DOCK10: variants seen among roughly 807,000 people sequenced by gnomAD.
DOCK10 encodes the protein dedicator of cytokinesis 10, also known as dedicator of cytokinesis protein 10.
Under a neutral mutation model 280.1 loss-of-function variants are expected in DOCK10, and 145 were observed. That is an observed-to-expected ratio of 0.52 (90% CI 0.45 to 0.59). The LOEUF (loss-of-function observed/expected upper bound fraction) is 0.59, where lower values mean the gene tolerates loss of function less well. Ranked by LOEUF, DOCK10 falls within the 20% of genes least tolerant of loss-of-function variation. DOCK10 has a pLI of 0.00. For missense variants in DOCK10, 2,368 were observed against 2,651.7 expected (o/e 0.89, Z 2.35); for synonymous variants, 915 against 942.2 (o/e 0.97, Z 0.53).
intron 1 of DOCK10, among the ~76,000 whole-genome samples, chr2:225,011,926 G>T (rs73083786): frequency 1.6e-3 from 237 of 152,186 alleles, no homozygotes; most frequent in African/African-American, 5.2e-3. Flanking sequence ...ATGCACATAC[G>T]CAACTGAATT....
intron 24 of DOCK10, among the ~76,000 whole-genome samples, chr2:224,839,007 A>C (rs565298149): frequency 1.3e-5 from 2 of 152,310 alleles, no homozygotes; most frequent in South Asian, 4.1e-4. Context: ...GCCCCCCAGC[A>C]ATTACACTTT....
intron 3 of DOCK10, among the ~76,000 whole-genome samples, chr2:224,902,299 G>T (rs1700345063): frequency 2.0e-5 from 3 of 151,904 alleles, no homozygotes; most frequent in African/African-American, 7.2e-5. Context: ...TTTTCTTTCT[G>T]GCTATAGAGG....
intron 1 of DOCK10, among the ~76,000 whole-genome samples, chr2:224,991,495 T>C (rs1237095485): frequency 1.3e-5 from 2 of 152,188 alleles, no homozygotes; most frequent in African/African-American, 4.8e-5. Flanking sequence ...TCATTGTTAT[T>C]CCAAGTTAGT....
At chr2:225,005,660 C>A (rs922726411) in intron 1 of DOCK10, among the ~76,000 whole-genome samples, 2 of 152,080 alleles carry the variant, frequency 1.3e-5, no homozygotes, top group Non-Finnish European at 2.9e-5. Context: ...ATAAATGTTG[C>A]CATTCAGTTT....
intron 4 of DOCK10, among the ~76,000 whole-genome samples, chr2:224,895,593 C>G (rs1253448231): frequency 6.6e-6 from 1 of 152,156 alleles, no homozygotes; most frequent in African/African-American, 2.4e-5. Flanking sequence ...ATTCTTCTTA[C>G]AGGCCTGCAG....
At chr2:224,776,558 T>C (rs1367668576) in intron 51 of DOCK10, among the ~76,000 whole-genome samples, 3 of 151,730 alleles carry the variant, frequency 2.0e-5, no homozygotes, top group African/African-American at 7.3e-5. Flanking sequence ...ATGAACACAT[T>C]CACAGAAATT....
At chr2:224,776,716 CCA>C (rs1320282861) in intron 51 of DOCK10, among the ~76,000 whole-genome samples, 1 of 152,182 alleles carries the variant, frequency 6.6e-6, no homozygotes, top group African/African-American at 2.4e-5. Context: ...GCATCTTCTG[CCA>C]CACTCTTCTA....
intron 1 of DOCK10, among the ~76,000 whole-genome samples, chr2:224,999,165 T>G (rs182983050): frequency 6.6e-6 from 1 of 152,242 alleles, no homozygotes; most frequent in Non-Finnish European, 1.5e-5. Context: ...TCAGCCTGGG[T>G]GACAGAGTAA....
intron 23 of DOCK10, among the ~76,000 whole-genome samples, chr2:224,841,346 G>T (rs1695951293): frequency 6.6e-6 from 1 of 152,028 alleles, no homozygotes. Context: ...ACATCATACT[G>T]TATACAATAA....
chr2:224,845,484 A>G (rs1178381377), intron 20 of DOCK10, 35 bp downstream of exon 20: 1 of 1,598,404 alleles, frequency 6.3e-7, no homozygotes, highest in African/African-American at 1.4e-5. Flanking sequence ...AACAGAAGAC[A>G]TGTGACTCTG....
chr2:224,941,582 G>C (rs934734854), intron 1 of DOCK10, among the ~76,000 whole-genome samples: 54 of 152,188 alleles, frequency 3.5e-4, no homozygotes, highest in African/African-American at 1.3e-3. Flanking sequence ...GGTAGCTCAC[G>C]TCTGTAATCC....
At chr2:224,976,432 G>T (rs1421395490) in intron 1 of DOCK10, among the ~76,000 whole-genome samples, 2 of 152,092 alleles carry the variant, frequency 1.3e-5, no homozygotes. Context: ...ATATTCTGGT[G>T]CTTCCAACAG....
intron 33 of DOCK10, among the ~76,000 whole-genome samples, chr2:224,806,783 T>G (rs1693423692): frequency 6.6e-6 from 1 of 152,062 alleles, no homozygotes; most frequent in Admixed American, 6.6e-5. Flanking sequence ...TTTTTAAATT[T>G]CTTATTTGTA....
rs373522086 is a variant in DOCK10 at position 224,823,660 on chromosome 2, C to T, written c.3037-13G>A. On this transcript the variant is annotated splice_polypyrimidine_tract_variant and intron_variant, in intron 27 of 55. Transcript: ENST00000258390. ...GAGGCCGGGGAAGCTAAGGAAAGAA[C>T]GGATTATATCTTTCTAATGTGGCAT... 3.4e-5 allele frequency: 54 copies of T among 1,567,432 alleles called. No individual in the cohort carries two copies. The highest frequency in any genetic ancestry group is 9.6e-5 in the East Asian group (4 of 41,736).
intron 14 of DOCK10, 150 bp downstream of exon 14, chr2:224,862,514 G>A: frequency 1.6e-6 from 1 of 634,462 alleles, no homozygotes; most frequent in Admixed American, 2.7e-5. Flanking sequence ...TCTCAGAGAA[G>A]CTCAAGATGT....
In DOCK10 at chr2:224,786,236, C is replaced by T. The variant is rs563315577; in HGVS notation, c.5655+786G>A. Among the ~76,000 whole-genome samples the T allele has an allele frequency of 9.3e-4, 141 of 152,260 alleles. No individual in the cohort carries two copies. The highest frequency in any genetic ancestry group is 2.7e-3 in the South Asian group (13 of 4,828). On this transcript the variant is annotated intron_variant, in intron 50 of 55. Coordinates refer to ENST00000258390, the MANE Select transcript of DOCK10 (RefSeq NM_014689.3). This position sits in a 1 kb window ranked among gnomAD's most constrained non-coding sequence, Gnocchi z 4.7. ...GCAGAGGAAGTGTGAGGTCTGAGAG[C>T]CACTGCCATTCCGAAAATAAAAGCA...
intron 1 of DOCK10, chr2:224,982,385 C>A (rs945437393): frequency 4.9e-6 from 6 of 1,231,768 alleles, no homozygotes; most frequent in Non-Finnish European, 5.1e-6. Flanking sequence ...ATCCTGGAGC[C>A]TACAAAATAA....
At chr2:225,037,894 C>A (rs1302068136) in intron 1 of DOCK10, among the ~76,000 whole-genome samples, 1 of 152,130 alleles carries the variant, frequency 6.6e-6, no homozygotes, top group African/African-American at 2.4e-5. Flanking sequence ...TTCTCCAATG[C>A]CCTTGAGAAA....
intron 13 of DOCK10, among the ~76,000 whole-genome samples, chr2:224,863,742 C>T (rs374344556): frequency 4.7e-4 from 72 of 152,294 alleles, no homozygotes; most frequent in African/African-American, 1.5e-3. Context: ...TGAGCCACTG[C>T]GCCCGGCCTT....
Sources: gnomAD v4.1 joint callset for allele counts (sites outside exome capture counted in the v4.1 genomes callset) on GRCh38, gnomAD v4.1.1 for gene constraint, Gnocchi (gnomAD v3.1) non-coding constraint, MANE v1.5 for transcripts, NCBI Gene and HGNC (gene_info 2026-07-23, HGNC 2026-07-21) for gene names.